Variants in XKR6 observed in about 807,000 individuals in gnomAD.
The protein encoded by XKR6 is XK-related protein 6.
A neutral mutation model predicts 56.7 loss-of-function variants in XKR6; 22 were observed. The observed-to-expected ratio is 0.39, with a 90% CI of 0.28 to 0.55. The LOEUF is 0.55. Ranked by LOEUF, XKR6 falls within the 20% of genes least tolerant of loss-of-function variation. XKR6 has a pLI of 0.66. For synonymous variants in XKR6, 524 were observed against 387.8 expected (o/e 1.35, Z -4.13); for missense variants, 852 against 889.0 (o/e 0.96, Z 0.53).
rs539044808 is a variant in XKR6, at chr8:10,959,907, G to A, written c.765-35077C>T. 2.0e-5 allele frequency among the ~76,000 whole-genome samples: 3 copies of A among 152,306 alleles called. No individual in the cohort carries two copies. The South Asian group carries it at 6.2e-4, about 32-fold the overall frequency. On this transcript the variant is annotated intron_variant, in intron 1 of 2. Coordinates refer to ENST00000416569, the MANE Select transcript of XKR6 (RefSeq NM_173683.4). ...TTCCAAACATGAGTTTCTGTGACCA[G>A]GGCTGGAACTACGGTGAGGCAATGA... is the stretch of plus-strand genomic sequence containing the variant.
intron 1 of XKR6, among the ~76,000 whole-genome samples, chr8:10,931,401 AT>A (rs911567464): frequency 6.6e-5 from 10 of 151,958 alleles, no homozygotes; most frequent in Middle Eastern, 3.4e-3. Context: ...CCCAAGTGGA[AT>A]TTTTTTTTAA....
chr8:11,106,014 T>C (rs1426662649), intron 1 of XKR6: 1 of 152,264 alleles, frequency 6.6e-6, no homozygotes, highest in Non-Finnish European at 1.5e-5. Context: ...CAGAAAATGA[T>C]TGCAGACTAC....
At position 11,047,233 on chromosome 8, in the gene XKR6, T is replaced by A. The variant is rs75289142; in HGVS notation, c.765-122403A>T. Reference sequence around the variant, plus strand: ...GAATCATTTCACAATGTATACACAGTGTATCAAAACATCACACAGTACACC... The same window carrying A: ...GAATCATTTCACAATGTATACACAGAGTATCAAAACATCACACAGTACACC... On this transcript the variant is annotated intron_variant, in intron 1 of 2. Coordinates refer to ENST00000416569, the MANE Select transcript of XKR6 (RefSeq NM_173683.4). Among the ~76,000 whole-genome samples the A allele has an allele frequency of 4.9e-3, 742 of 152,340 alleles. 8 individuals carry two copies. Among genetic ancestry groups the A allele is most frequent in the African/African-American group, 0.017 (710 of 41,580 alleles).
chr8:11,184,225 AT>A (rs1803146064), intron 1 of XKR6, among the ~76,000 whole-genome samples: 1 of 152,332 alleles, frequency 6.6e-6, no homozygotes, highest in Admixed American at 6.5e-5. Context: ...ATAATTACTT[AT>A]TAGCCACACA....
intron 2 of XKR6, among the ~76,000 whole-genome samples, chr8:10,918,815 C>T (rs1800634045): frequency 6.6e-6 from 1 of 152,170 alleles, no homozygotes; most frequent in Non-Finnish European, 1.5e-5. Flanking sequence ...TCTATTACCA[C>T]CCCCAGTAGC....
chr8:11,066,399 G>T (rs1212638076), intron 1 of XKR6, among the ~76,000 whole-genome samples: 1 of 152,202 alleles, frequency 6.6e-6, no homozygotes, highest in Non-Finnish European at 1.5e-5. Flanking sequence ...CTTGATTTTG[G>T]ACATAAGCCA....
intron 1 of XKR6, among the ~76,000 whole-genome samples, chr8:11,049,013 C>A (rs961901983): frequency 3.3e-5 from 5 of 152,168 alleles, no homozygotes; most frequent in Admixed American, 2.0e-4. Flanking sequence ...GAAGACGAGT[C>A]GGAACAAGAT....
intron 1 of XKR6, among the ~76,000 whole-genome samples, chr8:11,078,402 C>T (rs1800329527): frequency 6.6e-6 from 1 of 152,218 alleles, no homozygotes; most frequent in African/African-American, 2.4e-5. Context: ...CTTTTAAATA[C>T]TGGTGCTGGG....
At chr8:11,165,092 T>A (rs1433422291) in intron 1 of XKR6, among the ~76,000 whole-genome samples, 13 of 118,898 alleles carry the variant, frequency 1.1e-4, no homozygotes, top group African/African-American at 3.5e-4. Context: ...GCTATCACCT[T>A]TTTTTTTTTT....
intron 2 of XKR6, among the ~76,000 whole-genome samples, chr8:10,910,037 A>G (rs984777052): frequency 6.6e-6 from 1 of 152,012 alleles, no homozygotes; most frequent in Non-Finnish European, 1.5e-5. Flanking sequence ...TTTAACTAAC[A>G]GCAATGCAAT....
intron 1 of XKR6, among the ~76,000 whole-genome samples, chr8:10,951,284 AGT>A (rs1430390819): frequency 0.022 from 2,052 of 91,686 alleles, 42 homozygotes; most frequent in African/African-American, 0.056. Flanking sequence ...GGGATAGAAA[AGT>A]GTGTGTGTGT....
At chr8:10,965,378 G>A (rs1802188495) in intron 1 of XKR6, among the ~76,000 whole-genome samples, 2 of 152,224 alleles carry the variant, frequency 1.3e-5, no homozygotes, top group Non-Finnish European at 2.9e-5. Flanking sequence ...GGATCTGGGG[G>A]CCCCACAGAC....
At chr8:11,041,694 A>G (rs1315318989) in intron 1 of XKR6, among the ~76,000 whole-genome samples, 2 of 152,176 alleles carry the variant, frequency 1.3e-5, no homozygotes, top group African/African-American at 4.8e-5. Flanking sequence ...TAGAGGGAGA[A>G]GAGGAGAGGG....
chr8:10,948,969 G>A (rs886617315), intron 1 of XKR6, among the ~76,000 whole-genome samples: 1 of 152,356 alleles, frequency 6.6e-6, no homozygotes, highest in African/African-American at 2.4e-5. Flanking sequence ...GCCCTGGGCG[G>A]TGCAGCCTCT....
intron 1 of XKR6, among the ~76,000 whole-genome samples, chr8:10,954,866 C>CCTTTTTTTTTTTTTTT (rs1554515116): frequency 8.6e-5 from 8 of 92,794 alleles, no homozygotes; most frequent in South Asian, 3.6e-4. Context: ...ACTTCATTCT[C>CCTTTTTTTTTTTTTTT]TTTTTTTTTT....
intron 1 of XKR6, among the ~76,000 whole-genome samples, chr8:11,141,163 A>G (rs761747794): frequency 6.6e-6 from 1 of 152,252 alleles, no homozygotes; most frequent in Non-Finnish European, 1.5e-5. Flanking sequence ...TTCAGTAGTC[A>G]TAACGGAAGC....
chr8:11,096,757 G>C (rs1798274656), intron 1 of XKR6, among the ~76,000 whole-genome samples: 1 of 152,216 alleles, frequency 6.6e-6, no homozygotes, highest in Non-Finnish European at 1.5e-5. Context: ...AGCCGACAAA[G>C]TCTACAACTG....
chr8:11,126,214 G>A (rs954704465), intron 1 of XKR6: 4 of 152,032 alleles, frequency 2.6e-5, no homozygotes, highest in South Asian at 2.1e-4. Context: ...GATTACAGGC[G>A]TGCACTACCA....
At chr8:10,958,046 G>T (rs1801950919) in intron 1 of XKR6, among the ~76,000 whole-genome samples, 1 of 152,242 alleles carries the variant, frequency 6.6e-6, no homozygotes, top group Non-Finnish European at 1.5e-5. Flanking sequence ...GCCTACTTTA[G>T]TGTTGTGTGA....
Sources: allele counts gnomAD v4.1 joint callset (sites outside exome capture counted in the v4.1 genomes callset), GRCh38; gene constraint gnomAD v4.1.1; transcripts MANE v1.5; gene names NCBI Gene and HGNC (gene_info 2026-07-23, HGNC 2026-07-21).